The following SSBP2 variants were observed in gnomAD, a reference collection of about 807,000 sequenced individuals.
The protein encoded by SSBP2 is single-stranded DNA-binding protein 2.
Under a neutral mutation model 61.8 loss-of-function variants are expected in SSBP2, and 17 were observed. The ratio of observed to expected loss-of-function variants is 0.28; its 90% confidence interval spans 0.19 to 0.41. SSBP2 has a LOEUF of 0.41. Ranked by LOEUF, SSBP2 falls within the 10% of genes least tolerant of loss-of-function variation. The pLI is 1.00. For synonymous variants in SSBP2, 139 were observed against 141.3 expected, an observed-to-expected ratio of 0.98 and a Z score of 0.12; for missense variants, 310 against 458.7, an observed-to-expected ratio of 0.68 and a Z score of 2.96.
chr5:81,701,355 T>A (rs775755214), intron 1 of SSBP2, among the ~76,000 whole-genome samples: 2 of 152,126 alleles, frequency 1.3e-5, no homozygotes, highest in African/African-American at 2.4e-5. Flanking sequence ...TCACTGATCA[T>A]AGAACCTCAT....
chr5:81,464,854 TG>T (rs1263966135), intron 9 of SSBP2, among the ~76,000 whole-genome samples: 2 of 152,132 alleles, frequency 1.3e-5, no homozygotes, highest in Non-Finnish European at 2.9e-5. Flanking sequence ...AGGAATACTG[TG>T]TGTATGCATT....
intron 4 of SSBP2, among the ~76,000 whole-genome samples, chr5:81,584,446 T>C (rs1774914996): frequency 6.6e-6 from 1 of 152,218 alleles, no homozygotes. Context: ...TTTGCTATCC[T>C]GAATCTGGCA....
intron 1 of SSBP2, 48 bp downstream of exon 1, chr5:81,750,933 T>C: frequency 6.5e-7 from 1 of 1,544,924 alleles, no homozygotes; most frequent in Non-Finnish European, 8.8e-7. Context: ...CGTGCGTGAG[T>C]GTGCGCGCGT....
At chr5:81,702,582 A>C (rs1445644052) in intron 1 of SSBP2, among the ~76,000 whole-genome samples, 1 of 151,240 alleles carries the variant, frequency 6.6e-6, no homozygotes, top group African/African-American at 2.4e-5. Flanking sequence ...CAGGAATGCT[A>C]TTTTTTTTTG....
At chr5:81,544,164 C>T (rs1298478008) in intron 4 of SSBP2, among the ~76,000 whole-genome samples, 7 of 152,156 alleles carry the variant, frequency 4.6e-5, no homozygotes, top group Admixed American at 3.9e-4. Flanking sequence ...ATTCTCCTGC[C>T]TCAGCCTCCT....
intron 5 of SSBP2, among the ~76,000 whole-genome samples, chr5:81,489,555 C>T (rs1004544784): frequency 6.6e-6 from 1 of 151,686 alleles, no homozygotes; most frequent in African/African-American, 2.4e-5. Context: ...GTAACTATAG[C>T]AAAATCTTTT....
rs545542887 is a variant in SSBP2 at position 81,723,489 on chromosome 5, C to A, written c.62+27492G>T. Among the ~76,000 whole-genome samples, 22 of 152,072 alleles carry A rather than the reference C, an allele frequency of 1.4e-4. No homozygotes were observed. The South Asian group carries it at 4.4e-3, about 30-fold the overall frequency. ...CACAATGGTACATAAAAGAAACACA[C>A]AGAGTAAAAGTTTGACCCTGAAAGT... On this transcript the variant is annotated intron_variant, in intron 1 of 16. Transcript: ENST00000320672.
intron 16 of SSBP2, among the ~76,000 whole-genome samples, chr5:81,422,167 C>G (rs1761654555): frequency 6.6e-6 from 1 of 152,130 alleles, no homozygotes; most frequent in Non-Finnish European, 1.5e-5. Context: ...TTCCAGGAAC[C>G]TAACCAGAAG....
chr5:81,479,108 T>A (rs1044152644), intron 6 of SSBP2, among the ~76,000 whole-genome samples: 1 of 152,248 alleles, frequency 6.6e-6, no homozygotes, highest in African/African-American at 2.4e-5. Context: ...AACATTTTTA[T>A]CAGCCTTGGG....
At chr5:81,634,719 T>A (rs559913317) in intron 3 of SSBP2, among the ~76,000 whole-genome samples, 258 of 152,310 alleles carry the variant, frequency 1.7e-3, no homozygotes, top group African/African-American at 5.8e-3. Flanking sequence ...AATTTCTTTC[T>A]TTTCTTCCCA....
intron 6 of SSBP2, among the ~76,000 whole-genome samples, chr5:81,479,612 C>T (rs1437686326): frequency 6.6e-6 from 1 of 151,924 alleles, no homozygotes; most frequent in Non-Finnish European, 1.5e-5. Flanking sequence ...TACAAAAGAT[C>T]TACACACTGG....
intron 1 of SSBP2, among the ~76,000 whole-genome samples, chr5:81,693,553 A>G (rs1351716462): frequency 6.6e-6 from 1 of 152,216 alleles, no homozygotes; most frequent in Non-Finnish European, 1.5e-5. Flanking sequence ...AAGTCATACA[A>G]ATGGCAAACA....
At chr5:81,734,289 A>G (rs951109255) in intron 1 of SSBP2, among the ~76,000 whole-genome samples, 4 of 152,262 alleles carry the variant, frequency 2.6e-5, no homozygotes, top group Non-Finnish European at 5.9e-5. Flanking sequence ...AGTAAAATGA[A>G]TAACATTAAC....
intron 1 of SSBP2, among the ~76,000 whole-genome samples, chr5:81,665,533 G>A (rs10061125): frequency 0.06 from 9,104 of 152,078 alleles, 397 homozygotes; most frequent in South Asian, 0.12. Context: ...TCACTCTGTC[G>A]CCCAGGCTGG....
chr5:81,634,473 C>T (rs765422967), intron 3 of SSBP2, among the ~76,000 whole-genome samples: 4 of 152,164 alleles, frequency 2.6e-5, no homozygotes, highest in Non-Finnish European at 5.9e-5. Flanking sequence ...GGAACATGTT[C>T]TCAGGACCTC....
At chr5:81,748,176 T>G (rs908179539) in intron 1 of SSBP2, among the ~76,000 whole-genome samples, 3 of 152,230 alleles carry the variant, frequency 2.0e-5, no homozygotes, top group Admixed American at 1.3e-4. Context: ...CCAATGTGCT[T>G]ATTTCCTAAG....
intron 10 of SSBP2, among the ~76,000 whole-genome samples, chr5:81,457,553 A>G (rs1764245212): frequency 6.6e-6 from 1 of 152,226 alleles, no homozygotes. Context: ...GTTATTTTAT[A>G]CTGGAGAAAC....
intron 1 of SSBP2, among the ~76,000 whole-genome samples, chr5:81,736,022 T>C (rs1756579957): frequency 6.6e-6 from 1 of 152,164 alleles, no homozygotes; most frequent in South Asian, 2.1e-4. Context: ...CTGCCCAATC[T>C]TAAGAGTGGG....
chr5:81,499,162 A>AT (rs1467639693), intron 5 of SSBP2, among the ~76,000 whole-genome samples: 1 of 152,208 alleles, frequency 6.6e-6, no homozygotes, highest in African/African-American at 2.4e-5. Context: ...GCTGATAAGC[A>AT]TAAGTATGCA....
Sources: allele counts gnomAD v4.1 joint callset (sites outside exome capture counted in the v4.1 genomes callset), GRCh38; gene constraint gnomAD v4.1.1; transcripts MANE v1.5; gene names NCBI Gene and HGNC (gene_info 2026-07-23, HGNC 2026-07-21).